Variants in ANK1 observed in about 807,000 individuals in gnomAD.
The protein encoded by ANK1 is ankyrin 1.
In ANK1, 51 loss-of-function variants were observed where a neutral mutation model predicts 210.4. The observed-to-expected ratio is 0.24, with a 90% CI of 0.19 to 0.31. The LOEUF (loss-of-function observed/expected upper bound fraction) is 0.31, where lower values mean the gene tolerates loss of function less well. ANK1 is among the 10% of genes least tolerant of loss of function. The pLI, the probability that ANK1 is intolerant of heterozygous loss-of-function variation, is 1.00. For missense variants in ANK1, 2,051 were observed against 2,504.4 expected (o/e 0.82, Z 3.86); for synonymous variants, 967 against 1,025.9 (o/e 0.94, Z 1.10).
At position 41,706,229 on chromosome 8, in the gene ANK1, G is replaced by A. The variant is rs374166500; in HGVS notation, c.2011C>T (p.Pro671Ser). ...CCTTCTTGTGCTACCAGATGGAGGG[G>A]AGTGAGTCCGCTCTGCAAAGAAAAA... ...GNLGNKSGLTPLHLVAQEGHV... is the reference protein window; with the variant it reads ...GNLGNKSGLTSLHLVAQEGHV... Residue 671 changes from proline (P) to serine (S), a missense_variant, in exon 18 of 43, where the codon CCC becomes TCC. Around this residue, in one of 6 missense-constraint regions of ANK1, gnomAD observed 1,413 missense variants for 1,707.4 expected, o/e 0.83. Coordinates refer to ENST00000289734, the MANE Select transcript of ANK1 (RefSeq NM_000037.4). 3.0e-5 allele frequency: 48 copies of A among 1,614,020 alleles called. No homozygotes were observed. Among genetic ancestry groups the A allele is most frequent in the African/African-American group, 4.0e-5 (3 of 74,960 alleles).
At chr8:41,890,708 C>CAAAAAAAAAAAAAAAAAGAAAAA (rs1819259275) in intron 1 of ANK1, among the ~76,000 whole-genome samples, 1 of 62,954 alleles carries the variant, frequency 1.6e-5, no homozygotes, top group Non-Finnish European at 4.1e-5. Flanking sequence ...GACTCCGTCT[C>CAAAAAAAAAAAAAAAAAGAAAAA]AAAAAAAAAA....
chr8:41,682,978 G>A (rs1052770566), intron 37 of ANK1, among the ~76,000 whole-genome samples: 2 of 152,182 alleles, frequency 1.3e-5, no homozygotes, highest in African/African-American at 2.4e-5. Flanking sequence ...CAAGGGGGTG[G>A]ACCTGGGGAG....
chr8:41,872,587 AGC>A (rs1815745395), intron 1 of ANK1, among the ~76,000 whole-genome samples: 6 of 152,204 alleles, frequency 3.9e-5, no homozygotes, highest in African/African-American at 1.4e-4. Context: ...GAGGCCTTGG[AGC>A]CGTGGGGAGC....
chr8:41,889,459 T>C (rs540941521), intron 1 of ANK1, among the ~76,000 whole-genome samples: 8 of 152,316 alleles, frequency 5.3e-5, no homozygotes, highest in African/African-American at 1.7e-4. Flanking sequence ...CAATTGGACA[T>C]GTACTATTTC....
rs748409227 is a variant in ANK1 at position 41,708,865 on chromosome 8, C to T, written c.1911G>A (p.Thr637=). ...SANAESVQGV[T]PLHLAAQEGH... The stretch of plus-strand genomic sequence containing the variant: ...CCTCCTGGGCGGCCAGGTGAAGGGG[C>T]GTCACACCTTGCACCGACTCGGCGT... Residue 637 remains threonine, a synonymous_variant, in exon 17 of 43, where the codon ACG becomes ACA. Coordinates refer to ENST00000289734, the MANE Select transcript of ANK1 (RefSeq NM_000037.4). The T allele has an allele frequency of 8.1e-6, 13 of 1,613,974 alleles. No individual in the cohort carries two copies. Among genetic ancestry groups the T allele is most frequent in the East Asian group, 2.2e-5 (1 of 44,892 alleles).
rs894468516 is a variant in ANK1 at position 41,763,636 on chromosome 8, G to A, written c.28-5499C>T. ...GCGGCTGGGCAGGCCTATATGCCTC[G>A]GCCGTTAAAGAGCTAATCCATGGCA... On this transcript the variant is annotated intron_variant, in intron 1 of 42. Transcript: ENST00000289734. Among the ~76,000 whole-genome samples the A allele has an allele frequency of 1.7e-4, 26 of 152,136 alleles. 1 individual carries two copies. The highest frequency in any genetic ancestry group is 1.1e-3 in the Admixed American group (17 of 15,276).
intron 1 of ANK1, among the ~76,000 whole-genome samples, chr8:41,863,768 G>T (rs1813748464): frequency 1.3e-5 from 2 of 152,176 alleles, no homozygotes; most frequent in South Asian, 4.1e-4. Context: ...GTTGAAAGAG[G>T]TTCTGTGCTG....
At chr8:41,815,058 C>A (rs1473599376) in intron 1 of ANK1, among the ~76,000 whole-genome samples, 1 of 151,988 alleles carries the variant, frequency 6.6e-6, no homozygotes, top group African/African-American at 2.4e-5. Context: ...TTGGAAAGTA[C>A]CAATATCAAA....
At chr8:41,818,410 C>T (rs374664048) in intron 1 of ANK1, among the ~76,000 whole-genome samples, 1 of 152,134 alleles carries the variant, frequency 6.6e-6, no homozygotes, top group Non-Finnish European at 1.5e-5. Flanking sequence ...TTTAATCTTG[C>T]TAAAGGGGCC....
chr8:41,723,470 TG>T (rs1172515874), intron 8 of ANK1, 64 bp downstream of exon 8: 5 of 1,576,474 alleles, frequency 3.2e-6, no homozygotes, highest in Admixed American at 1.7e-5. Flanking sequence ...CCCGCTGCTC[TG>T]GGTGAGGCTT....
At chr8:41,828,151 T>C (rs1805844097) in intron 1 of ANK1, 1 of 152,050 alleles carries the variant, frequency 6.6e-6, no homozygotes, top group Non-Finnish European at 1.5e-5. Context: ...AATGATGGAG[T>C]TCCCGGTCGG....
chr8:41,827,851 A>G (rs1327763282), intron 1 of ANK1, among the ~76,000 whole-genome samples: 1 of 151,772 alleles, frequency 6.6e-6, no homozygotes, highest in Non-Finnish European at 1.5e-5. Context: ...ACACACGCAT[A>G]CATACACCCA....
chr8:41,703,846 AC>A (rs1586263711), intron 20 of ANK1, among the ~76,000 whole-genome samples, 194 bp downstream of exon 20: 1 of 152,068 alleles, frequency 6.6e-6, no homozygotes, highest in Non-Finnish European at 1.5e-5. Context: ...TAAAAGGAAA[AC>A]GATCAATTCA....
At chr8:41,667,881 A>G (rs1014626235) in intron 39 of ANK1, among the ~76,000 whole-genome samples, 2 of 152,198 alleles carry the variant, frequency 1.3e-5, no homozygotes, top group Non-Finnish European at 2.9e-5. Context: ...CCAGGTCACC[A>G]TAGGAGGAGA....
chr8:41,692,624 C>T (rs778014042), intron 31 of ANK1, 24 bp downstream of exon 31: 20 of 1,599,292 alleles, frequency 1.3e-5, no homozygotes, highest in Non-Finnish European at 1.6e-5. Context: ...GTCCCAGAGG[C>T]GGTGCAGGGC....
intron 1 of ANK1, among the ~76,000 whole-genome samples, chr8:41,865,648 A>G (rs1814272477): frequency 1.3e-5 from 2 of 151,828 alleles, no homozygotes; most frequent in South Asian, 4.2e-4. Context: ...CACACAATGC[A>G]CATGCCACCA....
Position 41,763,678 on chromosome 8 carries a change from A to G in ANK1, c.28-5541T>C, listed in dbSNP as rs566779808. 3.7e-3 allele frequency among the ~76,000 whole-genome samples: 562 copies of G among 152,170 alleles called. 2 individuals carry two copies. The highest frequency in any genetic ancestry group is 0.013 in the African/African-American group (519 of 41,510). ...TCCATGGCAGAGGAAAAATGCTAGG[A>G]GGTCCCACTCAGGCTCTGTCCCTGA... On this transcript the variant is annotated intron_variant, in intron 1 of 42. Transcript: ENST00000289734.
chr8:41,664,974 A>G (rs1200678974), intron 39 of ANK1: 15 of 1,614,214 alleles, frequency 9.3e-6, no homozygotes, highest in Middle Eastern at 1.6e-4. Context: ...GACCAGGAAG[A>G]AGCTCAGCAG....
intron 41 of ANK1, 82 bp from the exon 42 acceptor site, chr8:41,661,646 A>G (rs1210215776): frequency 2.5e-6 from 4 of 1,604,908 alleles, no homozygotes; most frequent in Non-Finnish European, 3.4e-6. Context: ...AGGAGGCCAC[A>G]CGGAGGTGGC....
Sources: gnomAD v4.1 joint callset for allele counts (sites outside exome capture counted in the v4.1 genomes callset) on GRCh38, gnomAD v4.1.1 for gene constraint, gnomAD v4.1.1 regional missense constraint, MANE v1.5 for transcripts, NCBI Gene and HGNC (gene_info 2026-07-23, HGNC 2026-07-21) for gene names.